The following CADM2 variants were observed in gnomAD, a reference collection of about 807,000 sequenced individuals.
CADM2 encodes the protein cell adhesion molecule 2, also known as immunoglobulin superfamily member 4D.
In CADM2, 12 loss-of-function variants were observed where a neutral mutation model predicts 49.8. That is an observed-to-expected ratio of 0.24 (90% CI 0.15 to 0.39). The LOEUF (loss-of-function observed/expected upper bound fraction) is 0.39. Ranked by LOEUF, CADM2 falls within the 10% of genes least tolerant of loss-of-function variation. The probability of loss-of-function intolerance (pLI) is 1.00; values close to 1 mark genes in which losing one functional copy is unlikely to be tolerated. For synonymous variants in CADM2, 214 were observed against 175.4 expected (o/e 1.22, Z -1.74); for missense variants, 378 against 492.3 (o/e 0.77, Z 2.20).
intron 1 of CADM2, among the ~76,000 whole-genome samples, chr3:85,236,639 T>C (rs2042413590): frequency 6.6e-6 from 1 of 152,172 alleles, no homozygotes; most frequent in African/African-American, 2.4e-5. Flanking sequence ...GTTCACATGA[T>C]TTGGTGACAT....
chr3:85,384,220 G>A (rs565108047), intron 1 of CADM2, among the ~76,000 whole-genome samples: 1 of 147,740 alleles, frequency 6.8e-6, no homozygotes, highest in South Asian at 2.1e-4. Context: ...TGCTGATTAT[G>A]TAGAGAGTAT....
intron 1 of CADM2, among the ~76,000 whole-genome samples, chr3:85,630,099 G>A (rs1386439900): frequency 6.6e-6 from 1 of 151,932 alleles, no homozygotes. Context: ...CAACACATAT[G>A]TTCTGTAACA....
chr3:85,025,625 A>T (rs1405016074), intron 1 of CADM2, among the ~76,000 whole-genome samples: 1 of 152,162 alleles, frequency 6.6e-6, no homozygotes, highest in Non-Finnish European at 1.5e-5. Context: ...GGAGTCAATA[A>T]TATCTCCCTT....
intron 1 of CADM2, among the ~76,000 whole-genome samples, chr3:85,496,035 A>G (rs2107655561): frequency 2.0e-5 from 3 of 152,334 alleles, no homozygotes; most frequent in Admixed American, 2.0e-4. Flanking sequence ...TTTTTAAAAA[A>G]TCTAAATTTC....
chr3:85,773,282 C>T (rs559353811), intron 2 of CADM2, among the ~76,000 whole-genome samples: 6 of 152,102 alleles, frequency 3.9e-5, no homozygotes, highest in South Asian at 2.1e-4. Context: ...CTTTTCCTTA[C>T]GTTCCTTTGT....
At chr3:85,072,399 G>A (rs1330994976) in intron 1 of CADM2, among the ~76,000 whole-genome samples, 1 of 152,036 alleles carries the variant, frequency 6.6e-6, no homozygotes, top group African/African-American at 2.4e-5. Flanking sequence ...ACAGGTATTA[G>A]GAGAGATCTA....
At chr3:85,345,702 C>G (rs1206133323) in intron 1 of CADM2, among the ~76,000 whole-genome samples, 1 of 152,132 alleles carries the variant, frequency 6.6e-6, no homozygotes, top group African/African-American at 2.4e-5. Flanking sequence ...ATGCAAAGCA[C>G]GATTGGGTTG....
intron 1 of CADM2, among the ~76,000 whole-genome samples, chr3:85,692,756 TA>T (rs927333763): frequency 2.0e-5 from 3 of 152,190 alleles, no homozygotes; most frequent in Non-Finnish European, 4.4e-5. Flanking sequence ...TAGAGGTCAT[TA>T]TAATTTTTTT....
At chr3:85,980,703 G>A (rs1303039560) in intron 8 of CADM2, among the ~76,000 whole-genome samples, 2 of 151,460 alleles carry the variant, frequency 1.3e-5, no homozygotes, top group African/African-American at 4.8e-5. Context: ...GTTCTACTTT[G>A]CTTTAATTTG....
At chr3:85,218,926 T>C (rs2041989108) in intron 1 of CADM2, among the ~76,000 whole-genome samples, 1 of 152,206 alleles carries the variant, frequency 6.6e-6, no homozygotes. Flanking sequence ...ATCAGCCTAA[T>C]CTATCTTACC....
rs1184000300 is a variant in CADM2, at chr3:85,912,260, TG to T, written c.530-112del. 4 of 690,128 alleles carry T rather than the reference TG, an allele frequency of 5.8e-6. No homozygotes were observed. In the African/African-American group the frequency reaches 7.3e-5, roughly 13 times the overall value. The allele number at this position is 690,128 out of a possible 1,614,324, so 42.8% of individuals were successfully genotyped here. Reference sequence around the variant, plus strand: ...ATTAAATGTTAAAATCACAAATATTTGCTTCTTAAAAATTGATAAAAATAGG... The same window carrying T: ...ATTAAATGTTAAAATCACAAATATTTCTTCTTAAAAATTGATAAAAATAGG... On this transcript the variant is annotated intron_variant, in intron 5 of 9. Transcript: ENST00000383699.
At chr3:85,998,219 T>C (rs559924999) in intron 8 of CADM2, among the ~76,000 whole-genome samples, 107 of 152,278 alleles carry the variant, frequency 7.0e-4, no homozygotes, top group Non-Finnish European at 7.9e-4. Flanking sequence ...ATTTTTTTAA[T>C]TTCTATTTTG....
At chr3:85,876,192 G>C (rs1055425238) in intron 3 of CADM2, among the ~76,000 whole-genome samples, 1 of 152,256 alleles carries the variant, frequency 6.6e-6, no homozygotes, top group East Asian at 1.9e-4. Context: ...TATACATTGA[G>C]AATTACATAG....
At position 85,376,693 on chromosome 3, in the gene CADM2, A is replaced by C. The variant is rs560141655; in HGVS notation, c.62-349829A>C. Among the ~76,000 whole-genome samples the C allele has an allele frequency of 5.9e-5, 9 of 152,194 alleles. No homozygotes were observed. In the South Asian group the frequency reaches 1.9e-3, roughly 32 times the overall value. On this transcript the variant is annotated intron_variant, in intron 1 of 9. Transcript: ENST00000383699. Reference sequence around the variant, plus strand: ...TGCGACATCCTGATAATATTTTTAAAGGAGATCATTGTTTGGCTATCCCAT... The same window carrying C: ...TGCGACATCCTGATAATATTTTTAACGGAGATCATTGTTTGGCTATCCCAT...
chr3:85,635,848 G>A (rs1021558306), intron 1 of CADM2, among the ~76,000 whole-genome samples: 2 of 152,002 alleles, frequency 1.3e-5, no homozygotes, highest in South Asian at 2.1e-4. Flanking sequence ...TGTGTATACC[G>A]GTCATGTCCC....
chr3:85,694,848 G>A (rs1038049688), intron 1 of CADM2, among the ~76,000 whole-genome samples: 1 of 151,982 alleles, frequency 6.6e-6, no homozygotes, highest in Non-Finnish European at 1.5e-5. Context: ...TATTGTCCCA[G>A]TAACTTGGGA....
chr3:85,443,851 C>G (rs992766555), intron 1 of CADM2, among the ~76,000 whole-genome samples: 5 of 152,112 alleles, frequency 3.3e-5, no homozygotes, highest in Non-Finnish European at 5.9e-5. Context: ...CGGCAACACC[C>G]AAACTTGTGT....
At chr3:85,390,119 TG>T (rs1252908169) in intron 1 of CADM2, among the ~76,000 whole-genome samples, 4 of 152,058 alleles carry the variant, frequency 2.6e-5, no homozygotes. Context: ...CTTATACATT[TG>T]TTCATCCAGA....
At chr3:85,425,077 C>T (rs1055697295) in intron 1 of CADM2, among the ~76,000 whole-genome samples, 7 of 152,146 alleles carry the variant, frequency 4.6e-5, no homozygotes, top group Admixed American at 1.3e-4. Flanking sequence ...TGTTTTATTA[C>T]GATATAAATG....
Sources: allele counts gnomAD v4.1 joint callset (sites outside exome capture counted in the v4.1 genomes callset), GRCh38; gene constraint gnomAD v4.1.1; transcripts MANE v1.5; gene names NCBI Gene and HGNC (gene_info 2026-07-23, HGNC 2026-07-21).